The following NELL1 variants were observed in gnomAD, a reference collection of about 807,000 sequenced individuals.
NELL1 encodes the protein protein kinase C-binding protein NELL1.
In NELL1, 76 loss-of-function variants were observed where a neutral mutation model predicts 107.4. The observed-to-expected ratio is 0.71, with a 90% confidence interval of 0.59 to 0.86. The LOEUF (loss-of-function observed/expected upper bound fraction) is 0.86. Among genes scored for constraint, NELL1 ranks in the 40% least tolerant of loss-of-function variants. The pLI is 0.00. For synonymous variants in NELL1, 353 were observed against 341.2 expected, an observed-to-expected ratio of 1.03 and a Z score of -0.38; for missense variants, 1,024 against 1,005.5, an observed-to-expected ratio of 1.02 and a Z score of -0.25.
At chr11:21,350,103 T>C (rs1397707074) in intron 14 of NELL1, among the ~76,000 whole-genome samples, 1 of 152,178 alleles carries the variant, frequency 6.6e-6, no homozygotes, top group Non-Finnish European at 1.5e-5. Flanking sequence ...CATTTTTTTC[T>C]GATTTGAGAC....
intron 15 of NELL1, among the ~76,000 whole-genome samples, chr11:21,511,388 G>A (rs56291268): frequency 4.9e-4 from 74 of 152,198 alleles, no homozygotes; most frequent in South Asian, 1.7e-3. Flanking sequence ...CCAGAGAAGC[G>A]CCCTCCACTA....
chr11:21,368,929 G>A (rs1275557987), intron 14 of NELL1, among the ~76,000 whole-genome samples: 1 of 151,982 alleles, frequency 6.6e-6, no homozygotes, highest in African/African-American at 2.4e-5. Flanking sequence ...GTACTACTCT[G>A]TTTATTCTAA....
At chr11:21,244,754 G>A (rs1269269695) in intron 14 of NELL1, among the ~76,000 whole-genome samples, 1 of 152,126 alleles carries the variant, frequency 6.6e-6, no homozygotes, top group African/African-American at 2.4e-5. Context: ...TGGAGCCAGA[G>A]AGATTGTCCG....
chr11:20,931,083 G>T (rs1445732883), intron 9 of NELL1, among the ~76,000 whole-genome samples: 1 of 152,094 alleles, frequency 6.6e-6, no homozygotes, highest in Non-Finnish European at 1.5e-5. Flanking sequence ...ACTGATGCCT[G>T]GAATAATGAT....
At chr11:21,304,954 T>C (rs1849577079) in intron 14 of NELL1, among the ~76,000 whole-genome samples, 1 of 151,970 alleles carries the variant, frequency 6.6e-6, no homozygotes, top group African/African-American at 2.4e-5. Flanking sequence ...TGTACTGGTA[T>C]TAGAATGATT....
At chr11:21,534,618 A>G (rs1401658050) in intron 16 of NELL1, 104 bp downstream of exon 16, 22 of 1,205,694 alleles carry the variant, frequency 1.8e-5, no homozygotes, top group East Asian at 4.8e-5. Flanking sequence ...ATGACCATTC[A>G]TTGGTTAAAT....
At chr11:21,277,551 A>G (rs1590797313) in intron 14 of NELL1, among the ~76,000 whole-genome samples, 1 of 152,292 alleles carries the variant, frequency 6.6e-6, no homozygotes, top group East Asian at 1.9e-4. Context: ...ATTACTGGGT[A>G]TATACCCAAA....
intron 15 of NELL1, among the ~76,000 whole-genome samples, chr11:21,520,631 AAT>A (rs1398976417): frequency 6.6e-6 from 1 of 152,120 alleles, no homozygotes; most frequent in Non-Finnish European, 1.5e-5. Context: ...TTTGTGAGCC[AAT>A]ATGTTTCTTT....
chr11:21,402,025 G>T (rs1174642006), intron 15 of NELL1, among the ~76,000 whole-genome samples: 1 of 151,704 alleles, frequency 6.6e-6, no homozygotes, highest in African/African-American at 2.4e-5. Flanking sequence ...TTAAATCTTA[G>T]AAAAGTCTTC....
At chr11:21,383,220 C>A (rs1248705929) in intron 15 of NELL1, among the ~76,000 whole-genome samples, 1 of 151,876 alleles carries the variant, frequency 6.6e-6, no homozygotes, top group Admixed American at 6.6e-5. Flanking sequence ...AATCAAACAG[C>A]AAGGTCTATG....
At chr11:21,253,374 C>T (rs929803685) in intron 14 of NELL1, among the ~76,000 whole-genome samples, 3 of 152,020 alleles carry the variant, frequency 2.0e-5, no homozygotes, top group African/African-American at 4.8e-5. Flanking sequence ...TAGCAATTTG[C>T]CTGTTCTCAA....
intron 2 of NELL1, among the ~76,000 whole-genome samples, chr11:20,685,877 A>G (rs1305975269): frequency 6.6e-6 from 1 of 152,090 alleles, no homozygotes; most frequent in Non-Finnish European, 1.5e-5. Flanking sequence ...CATCCTCACT[A>G]CTATGATATA....
intron 14 of NELL1, among the ~76,000 whole-genome samples, chr11:21,248,734 T>G (rs927425612): frequency 9.2e-5 from 14 of 152,186 alleles, no homozygotes; most frequent in Admixed American, 5.9e-4. Flanking sequence ...TTTCAGTCCA[T>G]ATGGATTTAG....
chr11:20,990,023 C>T (rs567414091), intron 12 of NELL1, among the ~76,000 whole-genome samples: 21 of 151,674 alleles, frequency 1.4e-4, no homozygotes, highest in Admixed American at 2.6e-4. Context: ...AAATTCCAGT[C>T]TAGTTTGCGA....
chr11:21,221,125 A>G (rs1221977232), intron 13 of NELL1, among the ~76,000 whole-genome samples: 1 of 152,158 alleles, frequency 6.6e-6, no homozygotes, highest in Non-Finnish European at 1.5e-5. Flanking sequence ...TATTGAGATG[A>G]TAATATGGTT....
At position 20,976,147 on chromosome 11, in the gene NELL1, G is replaced by GTATA. The variant is rs144856344; in HGVS notation, c.1300+15594_1300+15597dup. ...ATTATGTATACACATGTACACACAT[G>GTATA]TATATATATACACACATTATATCTG... On this transcript the variant is annotated intron_variant, in intron 12 of 19. Transcript: ENST00000357134. 3.3e-4 allele frequency among the ~76,000 whole-genome samples: 35 copies of GTATA among 106,904 alleles called. 1 individual carries two copies. Among genetic ancestry groups the GTATA allele is most frequent in the African/African-American group, 8.0e-4 (20 of 24,942 alleles). The allele number at this position is 106,904 out of a possible 152,430, so 70.1% of individuals were successfully genotyped here. A position where few individuals can be genotyped will look rare whatever the true frequency, so the allele number is the denominator to read the frequency against.
intron 15 of NELL1, among the ~76,000 whole-genome samples, chr11:21,434,852 T>C (rs76605008): frequency 0.015 from 2,270 of 152,248 alleles, 55 homozygotes; most frequent in African/African-American, 0.052. Context: ...CTTCAATTTA[T>C]TTCATCAACA....
chr11:20,781,202 A>G (rs1431941938), intron 2 of NELL1, among the ~76,000 whole-genome samples: 1 of 152,054 alleles, frequency 6.6e-6, no homozygotes, highest in African/African-American at 2.4e-5. Context: ...TTGTTTTTAG[A>G]CTGGATATGG....
chr11:21,317,121 T>C (rs1849896277), intron 14 of NELL1, among the ~76,000 whole-genome samples: 1 of 152,128 alleles, frequency 6.6e-6, no homozygotes, highest in Non-Finnish European at 1.5e-5. Context: ...ATAGTGTTTA[T>C]TTTAAGTAGA....
Sources: allele counts gnomAD v4.1 joint callset (sites outside exome capture counted in the v4.1 genomes callset), GRCh38; gene constraint gnomAD v4.1.1; transcripts MANE v1.5; gene names NCBI Gene and HGNC (gene_info 2026-07-23, HGNC 2026-07-21).